F13A1: variants seen among roughly 807,000 people sequenced by gnomAD.
The protein encoded by F13A1 is FSF, A subunit.
A neutral mutation model predicts 80.1 loss-of-function variants in F13A1; 47 were observed. That is an observed-to-expected ratio of 0.59 (90% confidence interval 0.46 to 0.75). The LOEUF (loss-of-function observed/expected upper bound fraction) is 0.75. F13A1 is among the 30% of genes least tolerant of loss of function. The probability of loss-of-function intolerance (pLI) is 0.00; values close to 1 mark genes in which losing one functional copy is unlikely to be tolerated. For synonymous variants in F13A1, 349 were observed against 344.9 expected, an observed-to-expected ratio of 1.01 and a Z score of -0.13; for missense variants, 817 against 930.4, an observed-to-expected ratio of 0.88 and a Z score of 1.59.
rs530736698 is a variant in F13A1, at chr6:6,162,472, C to T, written c.1908+4986G>A. 1.1e-3 allele frequency among the ~76,000 whole-genome samples: 165 copies of T among 152,286 alleles called. No individual in the cohort carries two copies. The highest frequency in any genetic ancestry group is 2.1e-3 in the Non-Finnish European group (143 of 68,032). ...CACTCAAGTGTGTGTGATCTCTCCT[C>T]CCTTGAATACAAAACTCTCTGCAAA... On this transcript the variant is annotated intron_variant, in intron 13 of 14. Coordinates refer to ENST00000264870, the MANE Select transcript of F13A1 (RefSeq NM_000129.4). The surrounding 1 kb of genome is among the most constrained non-coding windows in gnomAD (Gnocchi z 4.2).
chr6:6,240,926 T>C (rs1439391403), intron 6 of F13A1, among the ~76,000 whole-genome samples: 2 of 152,158 alleles, frequency 1.3e-5, no homozygotes, highest in Non-Finnish European at 2.9e-5. Flanking sequence ...TAAAAAATCT[T>C]TTTAGAGTTG....
chr6:6,313,594 C>T (rs902741256), intron 2 of F13A1, among the ~76,000 whole-genome samples: 14 of 151,876 alleles, frequency 9.2e-5, no homozygotes, highest in Admixed American at 5.9e-4. Flanking sequence ...ACTAGGAATT[C>T]CCTAGTGAAC....
chr6:6,311,066 G>A (rs1758584201), intron 2 of F13A1, among the ~76,000 whole-genome samples: 1 of 139,806 alleles, frequency 7.2e-6, no homozygotes, highest in South Asian at 2.3e-4. Flanking sequence ...AAGTATCATT[G>A]TCTCTTTGTA....
intron 10 of F13A1, 52 bp downstream of exon 10, chr6:6,195,745 G>C (rs1761277955): frequency 6.6e-7 from 1 of 1,504,056 alleles, no homozygotes; most frequent in African/African-American, 1.4e-5. Context: ...ACTCTTTCAT[G>C]TGTTAAGAGG....
chr6:6,190,967 G>C (rs1254661363), intron 10 of F13A1, among the ~76,000 whole-genome samples: 1 of 152,170 alleles, frequency 6.6e-6, no homozygotes, highest in Non-Finnish European at 1.5e-5. Context: ...GCAGTATTTG[G>C]GTGTGAGTGA....
chr6:6,296,290 C>T (rs1388874280), intron 3 of F13A1, among the ~76,000 whole-genome samples: 162 of 151,622 alleles, frequency 1.1e-3, no homozygotes, highest in Non-Finnish European at 1.9e-3. Flanking sequence ...AAGAAAGTCA[C>T]TGGTAGCTTG....
intron 13 of F13A1, among the ~76,000 whole-genome samples, chr6:6,159,847 C>A (rs1400924422): frequency 6.6e-6 from 1 of 152,104 alleles, no homozygotes; most frequent in Non-Finnish European, 1.5e-5. Context: ...GCAAGAGGAG[C>A]ACCCCAGGCT....
intron 14 of F13A1, among the ~76,000 whole-genome samples, chr6:6,151,208 A>G (rs1312917089): frequency 6.6e-6 from 1 of 152,098 alleles, no homozygotes; most frequent in Non-Finnish European, 1.5e-5. Context: ...CATTCATATC[A>G]TTACAGAACC....
intron 3 of F13A1, among the ~76,000 whole-genome samples, chr6:6,286,013 C>T (rs1375411913): frequency 2.6e-5 from 4 of 152,370 alleles, no homozygotes; most frequent in East Asian, 3.9e-4. Flanking sequence ...CGCTTCTAAG[C>T]GCTAGCAGGC....
chr6:6,199,983 T>C (rs1310464595), intron 8 of F13A1, among the ~76,000 whole-genome samples: 2 of 152,162 alleles, frequency 1.3e-5, no homozygotes, highest in Admixed American at 6.5e-5. Context: ...AGTAGTATGA[T>C]GGTTTTGTTT....
rs112831795 is a variant in F13A1 at position 6,305,628 on chromosome 6, G to T, written c.131-89C>A. ...CAAAAACAAGATTATTTTCCCTGAA[G>T]AAGGCAGGTAGCAAGGTCTGCTGAA... is the stretch of plus-strand genomic sequence containing the variant. On this transcript the variant is annotated intron_variant, in intron 2 of 14. Transcript: ENST00000264870. 946 of 1,387,954 alleles carry T rather than the reference G, an allele frequency of 6.8e-4. 9 individuals are homozygous for T. In the African/African-American group the frequency reaches 0.011, roughly 16 times the overall value. The allele number at this position is 1,387,954 out of a possible 1,614,324, so 86.0% of individuals were successfully genotyped here.
At chr6:6,161,470 G>A (rs1760571614) in intron 13 of F13A1, among the ~76,000 whole-genome samples, 1 of 151,060 alleles carries the variant, frequency 6.6e-6, no homozygotes, top group South Asian at 2.1e-4. Flanking sequence ...AGAAGGAGCA[G>A]TATAATCATA....
intron 13 of F13A1, among the ~76,000 whole-genome samples, chr6:6,154,916 G>GA (rs1760446912): frequency 6.6e-6 from 1 of 152,050 alleles, no homozygotes; most frequent in Non-Finnish European, 1.5e-5. Context: ...ATTCTTTCTG[G>GA]AAAAAATATT....
chr6:6,157,141 T>C, intron 13 of F13A1, among the ~76,000 whole-genome samples: 1 of 152,240 alleles, frequency 6.6e-6, no homozygotes, highest in East Asian at 1.9e-4. Flanking sequence ...TAATAACAAG[T>C]AACTTACATT....
intron 10 of F13A1, among the ~76,000 whole-genome samples, chr6:6,182,559 C>T (rs1301339629): frequency 6.6e-6 from 1 of 152,132 alleles, no homozygotes; most frequent in Non-Finnish European, 1.5e-5. Flanking sequence ...TTCTGGGAAA[C>T]ATTTTTCCCC....
At chr6:6,210,326 T>G (rs1256310726) in intron 8 of F13A1, among the ~76,000 whole-genome samples, 1 of 111,234 alleles carries the variant, frequency 9.0e-6, no homozygotes, top group Non-Finnish European at 1.7e-5. Context: ...TAGCATGTGA[T>G]ATATATATAT....
chr6:6,225,791 C>T (rs776775193), intron 6 of F13A1, among the ~76,000 whole-genome samples: 2 of 152,198 alleles, frequency 1.3e-5, no homozygotes, highest in Non-Finnish European at 2.9e-5. Flanking sequence ...GCATAAGTCA[C>T]CATGCCTGGC....
chr6:6,169,185 G>A lies in F13A1; in HGVS notation c.1748-1567C>T, dbSNP rs1204805729. ...GCAGCTGACTCTGATGTGCAGCCAG[G>A]GTTGAGAAGGGCCACTCCAACAACC... is the stretch of plus-strand genomic sequence containing the variant. On this transcript the variant is annotated intron_variant, in intron 12 of 14. Coordinates refer to ENST00000264870, the MANE Select transcript of F13A1 (RefSeq NM_000129.4). 2.0e-5 allele frequency: 3 copies of A among 152,140 alleles called. No homozygotes were observed. In the East Asian group the frequency reaches 5.8e-4, roughly 29 times the overall value. 9.4% of individuals were successfully genotyped at this position (152,140 alleles called of 1,614,324 possible). A position where few individuals can be genotyped will look rare whatever the true frequency, so the allele number is the denominator to read the frequency against.
At chr6:6,297,251 G>A (rs1399696120) in intron 3 of F13A1, among the ~76,000 whole-genome samples, 2 of 152,112 alleles carry the variant, frequency 1.3e-5, no homozygotes, top group African/African-American at 4.8e-5. Context: ...TCAGGATGAT[G>A]CTGGCCTCAT....
Sources: gnomAD v4.1 joint callset for allele counts (sites outside exome capture counted in the v4.1 genomes callset) on GRCh38, gnomAD v4.1.1 for gene constraint, Gnocchi (gnomAD v3.1) non-coding constraint, MANE v1.5 for transcripts, NCBI Gene and HGNC (gene_info 2026-07-23, HGNC 2026-07-21) for gene names.